FRMD4B: variants seen among roughly 807,000 people sequenced by gnomAD.
The protein encoded by FRMD4B is FERM domain-containing protein 4B.
A neutral mutation model predicts 141.5 loss-of-function variants in FRMD4B; 74 were observed. The observed-to-expected ratio is 0.52, with a 90% confidence interval of 0.43 to 0.63. FRMD4B has a LOEUF of 0.63. Among genes scored for constraint, FRMD4B ranks in the 30% least tolerant of loss-of-function variants. The probability of loss-of-function intolerance (pLI) is 0.00; values close to 1 mark genes in which losing one functional copy is unlikely to be tolerated. For missense variants in FRMD4B, 1,366 were observed against 1,253.4 expected (o/e 1.09, Z -1.36); for synonymous variants, 506 against 467.9 (o/e 1.08, Z -1.05).
chr3:69,390,605 C>G (rs961717382), upstream of FRMD4B, among the ~76,000 whole-genome samples: 1 of 152,072 alleles, frequency 6.6e-6, no homozygotes, highest in Non-Finnish European at 1.5e-5. Context: ...TTAAATGCTA[C>G]ACCCTGGCCA....
chr3:69,390,866 C>G (rs1445865437), upstream of FRMD4B, among the ~76,000 whole-genome samples: 2 of 151,990 alleles, frequency 1.3e-5, no homozygotes, highest in Non-Finnish European at 2.9e-5. Context: ...GCACTCCAGC[C>G]TGGGCAACAG....
At chr3:69,224,250 A>G (rs888315764) in intron 8 of FRMD4B, among the ~76,000 whole-genome samples, 4 of 152,238 alleles carry the variant, frequency 2.6e-5, no homozygotes, top group African/African-American at 9.6e-5. Context: ...TCTGTATTTT[A>G]TAACACTTAT....
intron 1 of FRMD4B, chr3:69,472,218 G>C (rs924388934): frequency 3.3e-6 from 1 of 302,286 alleles, no homozygotes; most frequent in African/African-American, 2.2e-5. Context: ...TGAAGATCTT[G>C]TGACTAAAAT....
intron 2 of FRMD4B, among the ~76,000 whole-genome samples, chr3:69,399,285 G>A (rs2106746487): frequency 6.6e-6 from 1 of 152,210 alleles, no homozygotes; most frequent in East Asian, 1.9e-4. Flanking sequence ...AAAGCTTTAG[G>A]GTTTTAATCC....
At chr3:69,251,562 A>T (rs972436783) in intron 5 of FRMD4B, among the ~76,000 whole-genome samples, 5 of 152,264 alleles carry the variant, frequency 3.3e-5, no homozygotes, top group Non-Finnish European at 7.3e-5. Context: ...CTTATATTAC[A>T]AGATGAAAAC....
intron 2 of FRMD4B, among the ~76,000 whole-genome samples, chr3:69,402,815 G>T (rs367911381): frequency 4.6e-5 from 7 of 152,258 alleles, no homozygotes; most frequent in Admixed American, 2.0e-4. Context: ...TAGTCAGATT[G>T]CACATGACAG....
At chr3:69,422,898 G>T (rs1360907869) in intron 2 of FRMD4B, among the ~76,000 whole-genome samples, 15 of 152,158 alleles carry the variant, frequency 9.9e-5, no homozygotes, top group Admixed American at 9.8e-4. Flanking sequence ...TGTCCTGAAA[G>T]TTCTCTGATG....
intron 2 of FRMD4B, among the ~76,000 whole-genome samples, chr3:69,412,185 T>C (rs1704771742): frequency 6.6e-6 from 1 of 152,208 alleles, no homozygotes; most frequent in Admixed American, 6.5e-5. Flanking sequence ...AGTTGGTAGC[T>C]GGTAGAGCCA....
intron 1 of FRMD4B, among the ~76,000 whole-genome samples, chr3:69,343,577 G>GTTTT (rs66705405): frequency 6.8e-4 from 86 of 126,492 alleles, no homozygotes; most frequent in African/African-American, 9.4e-4. Context: ...ACAGTTTTTT[G>GTTTT]TTTTTTTTTT....
intron 2 of FRMD4B, among the ~76,000 whole-genome samples, chr3:69,395,459 C>T (rs367807459): frequency 2.0e-5 from 3 of 151,898 alleles, no homozygotes; most frequent in Admixed American, 6.6e-5. Context: ...ATCTCAAGGC[C>T]GGGTATACTC....
intron 7 of FRMD4B, among the ~76,000 whole-genome samples, chr3:69,231,557 G>A (rs1470313473): frequency 6.6e-6 from 1 of 152,224 alleles, no homozygotes; most frequent in Non-Finnish European, 1.5e-5. Context: ...CAAAGTGCTG[G>A]GATTACAGGC....
At chr3:69,472,938 CTT>C (rs71618285) in intron 1 of FRMD4B, among the ~76,000 whole-genome samples, 9 of 108,314 alleles carry the variant, frequency 8.3e-5, no homozygotes, top group Non-Finnish European at 1.1e-4. Flanking sequence ...TTTTTTTTTT[CTT>C]TTTTTTTTTT....
chr3:69,464,325 T>A (rs1307121278), intron 1 of FRMD4B, among the ~76,000 whole-genome samples: 6 of 152,180 alleles, frequency 3.9e-5, no homozygotes, highest in Non-Finnish European at 8.8e-5. Context: ...CCATTTAGAG[T>A]GCCTTGGAAA....
At chr3:69,450,581 C>T (rs1334717900) in intron 1 of FRMD4B, among the ~76,000 whole-genome samples, 2 of 152,144 alleles carry the variant, frequency 1.3e-5, no homozygotes, top group Non-Finnish European at 2.9e-5. Flanking sequence ...GGGGAAACCC[C>T]GTCTCTACTG....
At chr3:69,220,141 G>T (rs1379284520) in intron 9 of FRMD4B, among the ~76,000 whole-genome samples, 1 of 152,128 alleles carries the variant, frequency 6.6e-6, no homozygotes, top group African/African-American at 2.4e-5. Flanking sequence ...TTCTGTCCTT[G>T]TGCACACATC....
intron 1 of FRMD4B, among the ~76,000 whole-genome samples, chr3:69,362,082 T>A (rs1327982527): frequency 6.6e-6 from 1 of 152,174 alleles, no homozygotes; most frequent in Non-Finnish European, 1.5e-5. Flanking sequence ...TTAAGTGACT[T>A]TTTGTTTGCA....
intron 7 of FRMD4B, among the ~76,000 whole-genome samples, chr3:69,226,934 A>G (rs1419911950): frequency 6.6e-6 from 1 of 152,160 alleles, no homozygotes; most frequent in Non-Finnish European, 1.5e-5. Context: ...AAGCACAAGT[A>G]TCTCACGACA....
chr3:69,494,828 G>A (rs1347877972), intron 1 of FRMD4B, among the ~76,000 whole-genome samples: 1 of 151,928 alleles, frequency 6.6e-6, no homozygotes, highest in African/African-American at 2.4e-5. Flanking sequence ...GGAGGCAGAG[G>A]TTGCAGTGAT....
chr3:69,435,557 T>C (rs1486078285), intron 1 of FRMD4B, among the ~76,000 whole-genome samples: 1 of 152,034 alleles, frequency 6.6e-6, no homozygotes, highest in Non-Finnish European at 1.5e-5. Flanking sequence ...AACTGCAGAG[T>C]TGAATAGTTG....
Sources: allele counts gnomAD v4.1 joint callset (sites outside exome capture counted in the v4.1 genomes callset), GRCh38; gene constraint gnomAD v4.1.1; transcripts MANE v1.5; gene names NCBI Gene and HGNC (gene_info 2026-07-23, HGNC 2026-07-21).